Variants in CACNA2D3 observed in about 807,000 individuals in gnomAD.
The protein encoded by CACNA2D3 is voltage-dependent calcium channel subunit alpha-2/delta-3.
CACNA2D3 carries 60 observed loss-of-function variants against 160.6 expected under a neutral mutation model. That is an observed-to-expected ratio of 0.37 (90% CI 0.30 to 0.46). CACNA2D3 has a LOEUF of 0.46. Ranked by LOEUF, CACNA2D3 falls within the 20% of genes least tolerant of loss-of-function variation. CACNA2D3 has a pLI of 1.00. For synonymous variants in CACNA2D3, 558 were observed against 492.9 expected, an observed-to-expected ratio of 1.13 and a Z score of -1.75; for missense variants, 1,205 against 1,365.0, an observed-to-expected ratio of 0.88 and a Z score of 1.85.
chr3:54,909,182 T>C (rs555162950), intron 27 of CACNA2D3, among the ~76,000 whole-genome samples: 12 of 152,328 alleles, frequency 7.9e-5, no homozygotes, highest in African/African-American at 2.6e-4. Flanking sequence ...ATATATGTTT[T>C]CATTGTAAGT....
At chr3:54,514,862 G>A (rs546036662) in intron 5 of CACNA2D3, among the ~76,000 whole-genome samples, 166 of 152,310 alleles carry the variant, frequency 1.1e-3, no homozygotes, top group African/African-American at 3.9e-3. Context: ...GTTTTGGGTT[G>A]AAATAAGGGA....
chr3:54,240,797 A>C (rs1372826576), intron 2 of CACNA2D3, among the ~76,000 whole-genome samples: 3 of 152,080 alleles, frequency 2.0e-5, no homozygotes, highest in Non-Finnish European at 4.4e-5. Context: ...GCAATGGTGC[A>C]ATGGTGCGAT....
intron 11 of CACNA2D3, among the ~76,000 whole-genome samples, chr3:54,668,852 G>C (rs947777353): frequency 6.6e-6 from 1 of 152,210 alleles, no homozygotes; most frequent in African/African-American, 2.4e-5. Flanking sequence ...TCAAATGTGG[G>C]CTTTTCCTGC....
chr3:54,497,563 A>AT (rs1017144768), intron 4 of CACNA2D3, among the ~76,000 whole-genome samples: 10 of 152,066 alleles, frequency 6.6e-5, no homozygotes, highest in African/African-American at 1.2e-4. Flanking sequence ...GTAAAGGTAG[A>AT]TTTTTTCCCT....
intron 18 of CACNA2D3, among the ~76,000 whole-genome samples, chr3:54,877,690 C>A (rs1486594856): frequency 1.3e-5 from 2 of 152,138 alleles, no homozygotes; most frequent in African/African-American, 4.8e-5. Context: ...TGACCCTGGC[C>A]TTGGACACTC....
chr3:54,351,764 A>G (rs915825976), intron 3 of CACNA2D3, among the ~76,000 whole-genome samples: 42 of 152,304 alleles, frequency 2.8e-4, no homozygotes, highest in African/African-American at 9.4e-4. Context: ...GTTGTCAGGT[A>G]ACTTTATAAA....
chr3:54,648,169 G>A (rs1466733041), intron 11 of CACNA2D3, among the ~76,000 whole-genome samples: 2 of 152,216 alleles, frequency 1.3e-5, no homozygotes, highest in African/African-American at 4.8e-5. Context: ...ACAAACTGTG[G>A]TCCATGTGCC....
intron 27 of CACNA2D3, chr3:54,918,406 T>C (rs901056759): frequency 7.6e-7 from 1 of 1,318,670 alleles, no homozygotes; most frequent in Non-Finnish European, 1.0e-6. Flanking sequence ...TCAGCCCTAC[T>C]CAGACACTAT....
chr3:54,332,065 A>G (rs762354194), intron 3 of CACNA2D3, among the ~76,000 whole-genome samples: 24 of 152,240 alleles, frequency 1.6e-4, no homozygotes, highest in Non-Finnish European at 3.1e-4. Flanking sequence ...CTCTCTGCGC[A>G]GGCACCTTAT....
intron 3 of CACNA2D3, among the ~76,000 whole-genome samples, chr3:54,324,018 T>C (rs1173983285): frequency 1.3e-5 from 2 of 152,316 alleles, no homozygotes; most frequent in African/African-American, 2.4e-5. Flanking sequence ...TCCATTGGTG[T>C]ATATAAAATA....
chr3:54,183,007 C>G (rs1474150289), intron 2 of CACNA2D3, among the ~76,000 whole-genome samples: 1 of 152,104 alleles, frequency 6.6e-6, no homozygotes, highest in East Asian at 1.9e-4. Flanking sequence ...AAGATATAAT[C>G]TACATATTCC....
chr3:54,277,121 C>A (rs1198167677), intron 2 of CACNA2D3, among the ~76,000 whole-genome samples: 1 of 152,186 alleles, frequency 6.6e-6, no homozygotes, highest in Non-Finnish European at 1.5e-5. Context: ...GCCAGGGAGG[C>A]CCCCACACGC....
intron 2 of CACNA2D3, among the ~76,000 whole-genome samples, chr3:54,132,244 C>T (rs752454037): frequency 1.3e-4 from 20 of 152,188 alleles, no homozygotes; most frequent in Non-Finnish European, 2.2e-4. Flanking sequence ...GGCCTAGGTC[C>T]CTGTTGGAAT....
chr3:54,821,718 T>TTCCTTCTTTC (rs10640637), intron 14 of CACNA2D3, among the ~76,000 whole-genome samples: 1,357 of 117,538 alleles, frequency 0.012, 41 homozygotes, highest in African/African-American at 0.035. Flanking sequence ...CCTTCTTTCC[T>TTCCTTCTTTC]CTCTCTCTCT....
chr3:54,724,509 TA>T (rs1253118144), intron 11 of CACNA2D3, among the ~76,000 whole-genome samples: 1 of 152,106 alleles, frequency 6.6e-6, no homozygotes, highest in African/African-American at 2.4e-5. Context: ...CTGGACCACA[TA>T]ATTGGAAGTA....
intron 35 of CACNA2D3, among the ~76,000 whole-genome samples, chr3:55,069,154 T>TCTCACGAATATGCTTGCCATA (rs1704740897): frequency 6.6e-6 from 1 of 152,194 alleles, no homozygotes; most frequent in Non-Finnish European, 1.5e-5. Flanking sequence ...GTCTCACGAG[T>TCTCACGAATATGCTTGCCATA]TTCGATGCTG....
chr3:54,383,542 A>G (rs1037758223), intron 3 of CACNA2D3, among the ~76,000 whole-genome samples: 1 of 152,228 alleles, frequency 6.6e-6, no homozygotes, highest in African/African-American at 2.4e-5. Context: ...AGTGAGAATG[A>G]TGGAAAAAAT....
chr3:54,518,844 G>A (rs1346029635), intron 5 of CACNA2D3, among the ~76,000 whole-genome samples: 1 of 152,104 alleles, frequency 6.6e-6, no homozygotes, highest in Non-Finnish European at 1.5e-5. Context: ...ACTTATACAG[G>A]AAAAGCCATC....
At chr3:54,480,482 T>A (rs148637982) in intron 4 of CACNA2D3, among the ~76,000 whole-genome samples, 1 of 152,316 alleles carries the variant, frequency 6.6e-6, no homozygotes, top group African/African-American at 2.4e-5. Flanking sequence ...CAACGTGATT[T>A]TTAGTTCCCC....
Sources: allele counts gnomAD v4.1 joint callset (sites outside exome capture counted in the v4.1 genomes callset), GRCh38; gene constraint gnomAD v4.1.1; transcripts MANE v1.5; gene names NCBI Gene and HGNC (gene_info 2026-07-23, HGNC 2026-07-21).